The following CD84 variants were observed in gnomAD, a reference collection of about 807,000 sequenced individuals.
CD84 encodes the protein SLAM family member 5.
CD84 carries 22 observed loss-of-function variants against 33.8 expected under a neutral mutation model. The observed-to-expected ratio is 0.65, with a 90% CI of 0.46 to 0.93. The LOEUF is 0.93. CD84 is among the 40% of genes least tolerant of loss of function. The pLI is 0.00. For missense variants in CD84, 400 were observed against 397.6 expected (o/e 1.01, Z -0.05); for synonymous variants, 154 against 145.2 (o/e 1.06, Z -0.44).
Position 160,547,129 on chromosome 1 carries a change from T to C in CD84, c.*1127A>G. On this transcript the variant is annotated 3_prime_UTR_variant, in exon 7 of 7. Transcript: ENST00000368054. ...CTGTGTAAGCTGGCTGGTGATCTGTTTGTGGGGCATGCCAGGGTGGCGGCA... is the reference window on the plus strand; with the variant it reads ...CTGTGTAAGCTGGCTGGTGATCTGTCTGTGGGGCATGCCAGGGTGGCGGCA... 5.0e-6 allele frequency: 2 copies of C among 398,922 alleles called. No individual in the cohort carries two copies. The highest frequency in any genetic ancestry group is 8.8e-6 in the Non-Finnish European group (2 of 226,052). 24.7% of individuals were successfully genotyped at this position (398,922 alleles called of 1,614,324 possible).
Position 160,543,955 on chromosome 1 carries a change from C to G in CD84, c.*4301G>C, listed in dbSNP as rs1655676047. ...GCAACACCTCATTTAATCCCCACAT[C>G]AACCTTAAAAGGTAGGCACTATTAT... On this transcript the variant is annotated 3_prime_UTR_variant, in exon 7 of 7. Coordinates refer to ENST00000368054, the MANE Select transcript of CD84 (RefSeq NM_003874.4). The G allele has an allele frequency of 6.6e-6, 1 of 152,004 alleles. No homozygotes were observed. The highest frequency in any genetic ancestry group is 1.5e-5 in the Non-Finnish European group (1 of 68,024). 9.4% of individuals were successfully genotyped at this position (152,004 alleles called of 1,614,324 possible). A position where few individuals can be genotyped will look rare whatever the true frequency, so the allele number is the denominator to read the frequency against.
chr1:160,553,569 A>G (rs1180553653), intron 3 of CD84, 72 bp from the exon 4 acceptor site: 1 of 1,549,738 alleles, frequency 6.5e-7, no homozygotes, highest in Non-Finnish European at 8.9e-7. Context: ...GTTTGCCCAC[A>G]GTCAGGGGCA....
At chr1:160,553,281 G>C (rs764160374) in intron 4 of CD84, 97 bp downstream of exon 4, 6 of 1,601,746 alleles carry the variant, frequency 3.7e-6, no homozygotes, top group Admixed American at 1.7e-5. Context: ...AGATTCCCTG[G>C]AACAATGGGC....
Position 160,547,404 on chromosome 1 carries a change from C to T in CD84, c.*852G>A. 1 of 389,644 alleles carries T rather than the reference C, an allele frequency of 2.6e-6. No homozygotes were observed. 24.1% of individuals were successfully genotyped at this position (389,644 alleles called of 1,614,324 possible). A position where few individuals can be genotyped will look rare whatever the true frequency, so the allele number is the denominator to read the frequency against. On this transcript the variant is annotated 3_prime_UTR_variant, in exon 7 of 7. Transcript: ENST00000368054. ...TCTGCTGAGGCTGCTTGGAGTGATA[C>T]AGAAGGAAATCTTGGCCAGAAAGAA... is the stretch of plus-strand genomic sequence containing the variant.
At chr1:160,561,581 C>G (rs1291574927) in intron 2 of CD84, among the ~76,000 whole-genome samples, 1 of 152,166 alleles carries the variant, frequency 6.6e-6, no homozygotes, top group Non-Finnish European at 1.5e-5. Context: ...AAGCAGGAAG[C>G]ATTCCCTGTG....
chr1:160,573,594 G>A (rs758529957), intron 1 of CD84, among the ~76,000 whole-genome samples: 2 of 151,966 alleles, frequency 1.3e-5, no homozygotes, highest in African/African-American at 4.8e-5. Context: ...CTTTGTTCAG[G>A]GTTTTCTCCC....
intron 1 of CD84, chr1:160,571,535 G>A (rs1363241253): frequency 6.6e-6 from 1 of 152,280 alleles, no homozygotes; most frequent in Non-Finnish European, 1.5e-5. Flanking sequence ...CCAGAGTCTA[G>A]GGGACTGACA....
chr1:160,577,478 C>A (rs768152093), intron 1 of CD84, among the ~76,000 whole-genome samples: 1 of 152,138 alleles, frequency 6.6e-6, no homozygotes, highest in Non-Finnish European at 1.5e-5. Flanking sequence ...AACAAGCTCC[C>A]ATTCCCCTTT....
At position 160,545,874 on chromosome 1, in the gene CD84, C is replaced by T. The variant is rs3737788; in HGVS notation, c.*2382G>A. ...CTCAAATTCCTGACCTCAAGTGATC[C>T]GCCCACCTTGGCCTCCCAAAGTGCT... On this transcript the variant is annotated 3_prime_UTR_variant, in exon 7 of 7. Coordinates refer to ENST00000368054, the MANE Select transcript of CD84 (RefSeq NM_003874.4). 0.82 allele frequency: 124,538 copies of T among 152,280 alleles called. 52,074 individuals are homozygous for T. Among genetic ancestry groups the T allele is most frequent in the Non-Finnish European group, 0.92 (62,561 of 68,086 alleles). The allele number at this position is 152,280 out of a possible 1,614,324, so 9.4% of individuals were successfully genotyped here. A position where few individuals can be genotyped will look rare whatever the true frequency, so the allele number is the denominator to read the frequency against.
At chr1:160,550,712 G>A (rs1439670370) in intron 5 of CD84, 1 of 985,246 alleles carries the variant, frequency 1.0e-6, no homozygotes. Context: ...GGGACACTCA[G>A]TGCCTCAGCC....
chr1:160,577,281 A>G (rs949325283), intron 1 of CD84, among the ~76,000 whole-genome samples: 1 of 152,152 alleles, frequency 6.6e-6, no homozygotes, highest in Non-Finnish European at 1.5e-5. Flanking sequence ...GGAAATGTGT[A>G]AAGTGTAGAC....
At chr1:160,564,395 A>T (rs1657185490) in intron 2 of CD84, among the ~76,000 whole-genome samples, 1 of 152,234 alleles carries the variant, frequency 6.6e-6, no homozygotes, top group African/African-American at 2.4e-5. Context: ...CCCTTATCAT[A>T]AAATTACATT....
intron 1 of CD84, among the ~76,000 whole-genome samples, chr1:160,577,800 T>G (rs773872233): frequency 2.6e-5 from 4 of 152,230 alleles, no homozygotes; most frequent in Non-Finnish European, 5.9e-5. Flanking sequence ...TCTACTGTAT[T>G]AATACCTCCC....
In CD84 at chr1:160,545,146, G is replaced by C. The variant is rs1346501274; in HGVS notation, c.*3110C>G. The C allele has an allele frequency of 6.6e-6, 1 of 152,202 alleles. No individual in the cohort carries two copies. The highest frequency in any genetic ancestry group is 2.4e-5 in the African/African-American group (1 of 41,440). The allele number at this position is 152,202 out of a possible 1,614,324, so 9.4% of individuals were successfully genotyped here. On this transcript the variant is annotated 3_prime_UTR_variant, in exon 7 of 7. Transcript: ENST00000368054. ...AACTGAGAGGAGAGACAAGAGTAGG[G>C]TGTCCTGAGTCCAAAGGCTACCTTC...
intron 1 of CD84, 28 bp downstream of exon 1, chr1:160,579,364 G>T (rs1229989873): frequency 6.2e-7 from 1 of 1,612,844 alleles, no homozygotes; most frequent in Non-Finnish European, 8.5e-7. Flanking sequence ...GGAAAACTAG[G>T]AGGCGATCAG....
Position 160,550,545 on chromosome 1 carries a change from T to A in CD84, c.858+393A>T, listed in dbSNP as rs113098325. ...GCATTCAAGGGAACTTGTCTGTCAG[T>A]TCTGTTGCCTCGTAGCCCCCTTAGC... On this transcript the variant is annotated intron_variant, in intron 5 of 6. Transcript: ENST00000368054. 179 of 853,492 alleles carry A rather than the reference T, an allele frequency of 2.1e-4. 1 individual carries two copies. In the African/African-American group the frequency reaches 2.9e-3, roughly 14 times the overall value. 52.9% of individuals were successfully genotyped at this position (853,492 alleles called of 1,614,324 possible). A position where few individuals can be genotyped will look rare whatever the true frequency, so the allele number is the denominator to read the frequency against.
intron 1 of CD84, among the ~76,000 whole-genome samples, chr1:160,569,147 A>T (rs12728784): frequency 0.49 from 74,077 of 152,130 alleles, 20,109 homozygotes; most frequent in East Asian, 0.67. Context: ...CACCCTTATG[A>T]TGGCGTTGGT....
intron 2 of CD84, among the ~76,000 whole-genome samples, chr1:160,563,740 T>G (rs985784230): frequency 1.3e-5 from 2 of 152,160 alleles, no homozygotes; most frequent in Non-Finnish European, 2.9e-5. Context: ...ACCCCTGAAC[T>G]TAAAATAAAC....
chr1:160,556,609 C>A (rs1398263317), intron 2 of CD84, among the ~76,000 whole-genome samples: 1 of 152,184 alleles, frequency 6.6e-6, no homozygotes, highest in South Asian at 2.1e-4. Context: ...TCTTTTTGTG[C>A]ATACAGTGCT....
Sources: gnomAD v4.1 joint callset for allele counts (sites outside exome capture counted in the v4.1 genomes callset) on GRCh38, gnomAD v4.1.1 for gene constraint, MANE v1.5 for transcripts, NCBI Gene and HGNC (gene_info 2026-07-23, HGNC 2026-07-21) for gene names.